EEA1: variants seen among roughly 807,000 people sequenced by gnomAD.
EEA1 encodes the protein early endosome antigen 1, 162kD.
Under a neutral mutation model 209.2 loss-of-function variants are expected in EEA1, and 111 were observed. That is an observed-to-expected ratio of 0.53 (90% CI 0.45 to 0.62). The LOEUF (loss-of-function observed/expected upper bound fraction) is 0.62, where lower values mean the gene tolerates loss of function less well. EEA1 is among the 20% of genes least tolerant of loss of function. The pLI is 0.00. For missense variants in EEA1, 1,343 were observed against 1,530.8 expected (o/e 0.88, Z 2.05); for synonymous variants, 536 against 540.6 (o/e 0.99, Z 0.12).
intron 2 of EEA1, among the ~76,000 whole-genome samples, chr12:92,875,104 C>G (rs1462637320): frequency 6.6e-6 from 1 of 152,076 alleles, no homozygotes; most frequent in Non-Finnish European, 1.5e-5. Context: ...ATAAATAAGA[C>G]AAGGTCTTCA....
intron 21 of EEA1, among the ~76,000 whole-genome samples, chr12:92,792,386 T>C (rs541112961): frequency 1.6e-4 from 25 of 151,792 alleles, no homozygotes; most frequent in African/African-American, 5.6e-4. Context: ...GCTAGCAAGA[T>C]TAATAAAGAA....
At chr12:92,815,939 CAGAGACAGAGAGAG>C in intron 15 of EEA1, among the ~76,000 whole-genome samples, 1 of 146,550 alleles carries the variant, frequency 6.8e-6, no homozygotes, top group Admixed American at 7.0e-5. Flanking sequence ...GACAGAGAGA[CAGAGACAGAGAGAG>C]AGAGGGAGAG....
intron 1 of EEA1, among the ~76,000 whole-genome samples, chr12:92,916,824 G>A (rs1335466680): frequency 8.2e-6 from 1 of 121,800 alleles, no homozygotes; most frequent in Non-Finnish European, 1.7e-5. Context: ...CAAACCAAAG[G>A]CAAAGAAGTT....
intron 7 of EEA1, 92 bp from the exon 8 acceptor site, chr12:92,852,388 A>C: frequency 1.3e-6 from 1 of 763,582 alleles, no homozygotes; most frequent in Non-Finnish European, 1.9e-6. Flanking sequence ...ATATCACTCT[A>C]ATTCAAATTC....
intron 1 of EEA1, among the ~76,000 whole-genome samples, chr12:92,924,631 C>T (rs1162166527): frequency 1.3e-5 from 2 of 151,860 alleles, no homozygotes; most frequent in Non-Finnish European, 2.9e-5. Flanking sequence ...GTAAATGAAA[C>T]AGGATACAAA....
intron 2 of EEA1, among the ~76,000 whole-genome samples, chr12:92,889,841 G>C (rs949903728): frequency 5.3e-5 from 8 of 152,196 alleles, no homozygotes; most frequent in Non-Finnish European, 8.8e-5. Flanking sequence ...TCGAACCTGG[G>C]AGGCAGAGGT....
In EEA1 at chr12:92,782,211, C is replaced by T. The variant is rs1290566073; in HGVS notation, c.3151-76G>A. The T allele has an allele frequency of 8.2e-6, 10 of 1,219,144 alleles. No individual in the cohort carries two copies. The East Asian group carries it at 2.0e-4, about 24-fold the overall frequency. 75.5% of individuals were successfully genotyped at this position (1,219,144 alleles called of 1,614,324 possible). On this transcript the variant is annotated intron_variant, in intron 22 of 28. Transcript: ENST00000322349. The stretch of plus-strand genomic sequence containing the variant: ...TCAACAGAAACATAGTTAATATAAA[C>T]ATTGTAGAAAGCAATAAACTATAAA...
At chr12:92,835,039 C>A (rs911450987) in intron 10 of EEA1, among the ~76,000 whole-genome samples, 4 of 152,030 alleles carry the variant, frequency 2.6e-5, no homozygotes, top group Non-Finnish European at 4.4e-5. Flanking sequence ...CGCCACCATG[C>A]CCAGCTAATT....
intron 21 of EEA1, among the ~76,000 whole-genome samples, chr12:92,793,439 G>T (rs1210661842): frequency 6.6e-6 from 1 of 152,118 alleles, no homozygotes; most frequent in Non-Finnish European, 1.5e-5. Context: ...AAAGTCTCAG[G>T]ATACAAAATC....
chr12:92,883,742 G>A (rs1174709689), intron 2 of EEA1: 13 of 1,253,340 alleles, frequency 1.0e-5, no homozygotes, highest in Non-Finnish European at 1.4e-5. Flanking sequence ...CACTGAAGAA[G>A]CATCGTTAAA....
intron 1 of EEA1, among the ~76,000 whole-genome samples, chr12:92,928,599 G>T (rs910840934): frequency 6.6e-6 from 1 of 152,140 alleles, no homozygotes; most frequent in Non-Finnish European, 1.5e-5. Context: ...TGTCAAATTG[G>T]GGGGCACGGG....
At chr12:92,883,584 TTA>T (rs1416520456) in intron 2 of EEA1, among the ~76,000 whole-genome samples, 1 of 152,162 alleles carries the variant, frequency 6.6e-6, no homozygotes, top group African/African-American at 2.4e-5. Context: ...GCTAAATTTT[TTA>T]TATGGTGAAA....
intron 1 of EEA1, among the ~76,000 whole-genome samples, chr12:92,919,083 C>G (rs1880885722): frequency 6.6e-6 from 1 of 150,626 alleles, no homozygotes; most frequent in African/African-American, 2.4e-5. Flanking sequence ...ATAACAGGAT[C>G]TGAAATTGTG....
At chr12:92,905,125 T>C (rs1371322087) in intron 1 of EEA1, among the ~76,000 whole-genome samples, 1 of 152,132 alleles carries the variant, frequency 6.6e-6, no homozygotes, top group Non-Finnish European at 1.5e-5. Flanking sequence ...CAAAAGGTAC[T>C]TATTATGAAT....
intron 10 of EEA1, among the ~76,000 whole-genome samples, chr12:92,833,642 G>GT (rs1229693385): frequency 3.3e-5 from 5 of 152,158 alleles, no homozygotes; most frequent in Non-Finnish European, 7.4e-5. Context: ...AGAAGCTACT[G>GT]TAAGTACCTG....
chr12:92,794,909 A>C (rs1222152235), intron 21 of EEA1, among the ~76,000 whole-genome samples: 1 of 152,076 alleles, frequency 6.6e-6, no homozygotes, highest in East Asian at 1.9e-4. Context: ...TCCCCCAATA[A>C]ATGGCATTAC....
intron 2 of EEA1, among the ~76,000 whole-genome samples, chr12:92,870,925 T>C (rs1203049757): frequency 6.6e-6 from 1 of 152,016 alleles, no homozygotes; most frequent in African/African-American, 2.4e-5. Context: ...GTCAGGCTGG[T>C]CTCAAACTCC....
intron 9 of EEA1, among the ~76,000 whole-genome samples, chr12:92,850,597 G>A (rs994787202): frequency 5.2e-5 from 7 of 135,802 alleles, no homozygotes; most frequent in East Asian, 2.3e-4. Context: ...GGCTGAGGCA[G>A]AAGAATCACT....
chr12:92,845,724 T>G (rs1480666246), intron 9 of EEA1, among the ~76,000 whole-genome samples: 1 of 152,184 alleles, frequency 6.6e-6, no homozygotes. Context: ...TCTATCATGA[T>G]TCAGTGTACT....
Sources: gnomAD v4.1 joint callset for allele counts (sites outside exome capture counted in the v4.1 genomes callset) on GRCh38, gnomAD v4.1.1 for gene constraint, MANE v1.5 for transcripts, NCBI Gene and HGNC (gene_info 2026-07-23, HGNC 2026-07-21) for gene names.